Variants in ALAD observed in about 807,000 individuals in gnomAD.
ALAD encodes aminolevulinate dehydratase, also known as delta-aminolevulinic acid dehydratase.
ALAD carries 20 observed loss-of-function variants against 44.4 expected under a neutral mutation model. The observed-to-expected ratio is 0.45, with a 90% confidence interval of 0.32 to 0.65. The LOEUF (loss-of-function observed/expected upper bound fraction) is 0.65, where lower values mean the gene tolerates loss of function less well. ALAD is among the 30% of genes least tolerant of loss of function. ALAD has a pLI of 0.05. For missense variants in ALAD, 323 were observed against 445.7 expected, an observed-to-expected ratio of 0.72 and a Z score of 2.48; for synonymous variants, 156 against 167.9, an observed-to-expected ratio of 0.93 and a Z score of 0.55.
chr9:113,394,916 G>C (rs818682), intron 1 of ALAD, among the ~76,000 whole-genome samples: 6 of 151,970 alleles, frequency 3.9e-5, no homozygotes, highest in African/African-American at 1.2e-4. Context: ...TTAGCTGGGC[G>C]TGGTGGTGCG....
intron 2 of ALAD, 39 bp downstream of exon 2, chr9:113,393,408 C>CCCCAAA: frequency 7.3e-6 from 11 of 1,510,638 alleles, no homozygotes; most frequent in Non-Finnish European, 9.2e-6. Flanking sequence ...CCAACCCCAA[C>CCCCAAA]CAGCAGAGCA....
At chr9:113,395,142 T>C (rs997480945) in intron 1 of ALAD, among the ~76,000 whole-genome samples, 2 of 152,146 alleles carry the variant, frequency 1.3e-5, no homozygotes, top group Admixed American at 1.3e-4. Context: ...GAGAAAATAG[T>C]ACCATTCATG....
At position 113,393,588 on chromosome 9, in the gene ALAD, A is replaced by T. The variant is rs1302036017; in HGVS notation, c.-29T>A. 6.3e-7 allele frequency: 1 copy of T among 1,593,944 alleles called. No individual in the cohort carries two copies. Among genetic ancestry groups the T allele is most frequent in the African/African-American group, 1.3e-5 (1 of 74,452 alleles). ...GTGGGCCAGTGGGCACAGGGGCATCAGTTGGTTGGAACCGAGGGCTCCTGG... is the reference window on the plus strand; with the variant it reads ...GTGGGCCAGTGGGCACAGGGGCATCTGTTGGTTGGAACCGAGGGCTCCTGG... On this transcript the variant is annotated 5_prime_UTR_variant, in exon 2 of 12. The change abolishes the stop of an existing upstream ORF in the 5' untranslated region. Coordinates refer to ENST00000409155, the MANE Select transcript of ALAD (RefSeq NM_000031.6).
intron 2 of ALAD, among the ~76,000 whole-genome samples, chr9:113,392,793 T>C (rs559071818): frequency 6.6e-6 from 1 of 151,970 alleles, no homozygotes; most frequent in South Asian, 2.1e-4. Flanking sequence ...TGCATTATTA[T>C]TAACAATCAC....
intron 1 of ALAD, among the ~76,000 whole-genome samples, chr9:113,400,106 T>A (rs1250671297): frequency 6.6e-6 from 1 of 152,194 alleles, no homozygotes; most frequent in Non-Finnish European, 1.5e-5. Flanking sequence ...GAAGCTGCCA[T>A]TCCCAGAATC....
chr9:113,398,220 A>G (rs1827781281), intron 1 of ALAD: 1 of 152,250 alleles, frequency 6.6e-6, no homozygotes, highest in African/African-American at 2.4e-5. Flanking sequence ...ATCTCATTTC[A>G]TTGCAAGAAT....
chr9:113,392,753 C>G (rs939943368), intron 2 of ALAD, among the ~76,000 whole-genome samples: 4 of 151,346 alleles, frequency 2.6e-5, no homozygotes, highest in Admixed American at 1.3e-4. Flanking sequence ...AGCATAGTAC[C>G]TGGTAGATAG....
chr9:113,393,944 CTTCTTT>C (rs1376734383), intron 1 of ALAD, among the ~76,000 whole-genome samples: 2 of 150,542 alleles, frequency 1.3e-5, no homozygotes, highest in Non-Finnish European at 3.0e-5. Flanking sequence ...AAAAAATTCT[CTTCTTT>C]TTTTTTTTTT....
chr9:113,395,521 G>A (rs1827703216), intron 1 of ALAD, among the ~76,000 whole-genome samples: 1 of 152,196 alleles, frequency 6.6e-6, no homozygotes, highest in Non-Finnish European at 1.5e-5. Flanking sequence ...ATTTAATTAC[G>A]TGAAGTACAA....
intron 7 of ALAD, 44 bp downstream of exon 7, chr9:113,390,361 C>T (rs1445161986): frequency 5.7e-6 from 9 of 1,581,436 alleles, no homozygotes; most frequent in Non-Finnish European, 6.1e-6. Flanking sequence ...AGGGCTGGTG[C>T]AGACTATCTC....
Position 113,389,519 on chromosome 9 carries a change from C to T in ALAD, c.720G>A (p.Arg240=), listed in dbSNP as rs766234090. The change falls in exon 10 of 12, where the codon CGG becomes CGA. Residue 240 remains arginine, a synonymous_variant. Coordinates refer to ENST00000409155, the MANE Select transcript of ALAD (RefSeq NM_000031.6). ...GCATGTCAGCTCCTTCCCGTACATC[C>T]CGGTCCTAAGGGATGAGGGTATAAT... ...ARGLALRAVD[R]DVREGADMLM... is the part of the protein sequence containing the mutation. 1.2e-6 allele frequency: 2 copies of T among 1,614,174 alleles called. No individual in the cohort carries two copies. Among genetic ancestry groups the T allele is most frequent in the South Asian group, 1.1e-5 (1 of 91,082 alleles).
chr9:113,389,368 G>A lies in ALAD; in HGVS notation c.801+70C>T, dbSNP rs895622436. 1.9e-6 allele frequency: 3 copies of A among 1,573,512 alleles called. No individual in the cohort carries two copies. In the Admixed American group the frequency reaches 5.0e-5, roughly 26 times the overall value. ...TTAAGGGCAAACTGCTTCCAACTCT[G>A]AGATTCCAGAGTCTGTGGAAAACTC... On this transcript the variant is annotated intron_variant, in intron 10 of 11. Transcript: ENST00000409155.
intron 10 of ALAD, 98 bp downstream of exon 10, chr9:113,389,340 T>C (rs1827503621): frequency 2.0e-6 from 3 of 1,470,184 alleles, no homozygotes; most frequent in African/African-American, 1.4e-5. Context: ...AGAGGATGCA[T>C]GCTTAAGGGC....
Position 113,391,480 on chromosome 9 carries a change from G to A in ALAD, c.261+47C>T, listed in dbSNP as rs1275641289. On this transcript the variant is annotated intron_variant, in intron 4 of 11. Coordinates refer to ENST00000409155, the MANE Select transcript of ALAD (RefSeq NM_000031.6). ...TGGCCTCCCAAAGTGCTGGGATTACGGGCGTGAGCGCAACCTCCCTTCTTA... is the reference window on the plus strand; with the variant it reads ...TGGCCTCCCAAAGTGCTGGGATTACAGGCGTGAGCGCAACCTCCCTTCTTA... 9.6e-6 allele frequency: 15 copies of A among 1,557,086 alleles called. No homozygotes were observed. In the Admixed American group the frequency reaches 2.0e-4, roughly 21 times the overall value.
intron 1 of ALAD, among the ~76,000 whole-genome samples, chr9:113,400,853 T>C (rs1041087681): frequency 6.6e-6 from 1 of 152,092 alleles, no homozygotes; most frequent in Non-Finnish European, 1.5e-5. Flanking sequence ...AATAAATGAA[T>C]GGTCAATGCA....
chr9:113,394,774 G>A (rs145846035), intron 1 of ALAD, among the ~76,000 whole-genome samples: 190 of 152,210 alleles, frequency 1.2e-3, no homozygotes, highest in Non-Finnish European at 2.1e-3. Context: ...ACTGTTGGCC[G>A]GGCATGGCGG....
In ALAD at chr9:113,387,594, C is replaced by T. The variant is rs191395992; in HGVS notation, c.*706G>A. The T allele has an allele frequency of 3.2e-5, 5 of 155,858 alleles. No individual in the cohort carries two copies. In the East Asian group the frequency reaches 7.6e-4, roughly 24 times the overall value. The allele number at this position is 155,858 out of a possible 1,614,324, so 9.7% of individuals were successfully genotyped here. A position where few individuals can be genotyped will look rare whatever the true frequency, so the allele number is the denominator to read the frequency against. On this transcript the variant is annotated 3_prime_UTR_variant, in exon 12 of 12. Transcript: ENST00000409155. ...TGTATTCCCAGGACCCAGCACTGAACCTAGGAACAGAGCAGAGATTCTCAA... is the reference window on the plus strand; with the variant it reads ...TGTATTCCCAGGACCCAGCACTGAATCTAGGAACAGAGCAGAGATTCTCAA...
In ALAD at chr9:113,393,441, A is replaced by G. The variant is rs763030338; in HGVS notation, c.113+6T>C. On this transcript the variant is annotated splice_donor_region_variant and intron_variant, in intron 2 of 11. Coordinates refer to ENST00000409155, the MANE Select transcript of ALAD (RefSeq NM_000031.6). ...GCAGAGGCCTGGCCCATTCTTGGAG[A>G]CTCACGTGACAAAGATGGGGTAGAT... 1 of 1,543,240 alleles carries G rather than the reference A, an allele frequency of 6.5e-7. No individual in the cohort carries two copies. The highest frequency in any genetic ancestry group is 8.9e-7 in the Non-Finnish European group (1 of 1,125,866).
intron 1 of ALAD, among the ~76,000 whole-genome samples, chr9:113,400,697 C>G (rs144878835): frequency 2.1e-3 from 317 of 152,250 alleles, no homozygotes; most frequent in African/African-American, 7.2e-3. Flanking sequence ...TGGCACACGC[C>G]TGTAATCCCA....
Sources: gnomAD v4.1 joint callset for allele counts (sites outside exome capture counted in the v4.1 genomes callset) on GRCh38, gnomAD v4.1.1 for gene constraint, MANE v1.5 for transcripts, NCBI Gene and HGNC (gene_info 2026-07-23, HGNC 2026-07-21) for gene names.